Variants in UGT1A6 observed in about 807,000 individuals in gnomAD.
UGT1A6 encodes the protein UDP-glucuronosyltransferase 1A6.
In UGT1A6, 32 loss-of-function variants were observed where a neutral mutation model predicts 44.4. The observed-to-expected ratio is 0.72, with a 90% CI of 0.54 to 0.97. The LOEUF (loss-of-function observed/expected upper bound fraction) is 0.97. Ranked by LOEUF, UGT1A6 falls within the 50% of genes least tolerant of loss-of-function variation. The probability of loss-of-function intolerance (pLI) is 0.00; values close to 1 mark genes in which losing one functional copy is unlikely to be tolerated. For synonymous variants in UGT1A6, 238 were observed against 248.5 expected, an observed-to-expected ratio of 0.96 and a Z score of 0.40; for missense variants, 685 against 661.9, an observed-to-expected ratio of 1.03 and a Z score of -0.38.
In UGT1A6 at chr2:233,720,871, A is replaced by ATTTT. The variant is rs60621337; in HGVS notation, c.861+27022_861+27025dup. Among the ~76,000 whole-genome samples, 199 of 132,762 alleles carry ATTTT rather than the reference A, an allele frequency of 1.5e-3. 2 individuals carry two copies. Among genetic ancestry groups the ATTTT allele is most frequent in the African/African-American group, 3.9e-3 (137 of 34,978 alleles). 87.1% of individuals were successfully genotyped at this position (132,762 alleles called of 152,430 possible). On this transcript the variant is annotated intron_variant, in intron 1 of 4. Coordinates refer to ENST00000305139, the MANE Select transcript of UGT1A6 (RefSeq NM_001072.4). Reference sequence around the variant, plus strand: ...CAGGCATGTGCCACTGCTCCTGGCAATTTTTTTTTTTTTTTTTTTAGTAGA... The same window carrying ATTTT: ...CAGGCATGTGCCACTGCTCCTGGCAATTTTTTTTTTTTTTTTTTTTTTTAGTAGA...
intron 1 of UGT1A6, among the ~76,000 whole-genome samples, chr2:233,712,238 T>C (rs1464476015): frequency 6.6e-6 from 1 of 152,230 alleles, no homozygotes; most frequent in African/African-American, 2.4e-5. Context: ...CATGGGTCTT[T>C]GCTAGGGTTG....
At chr2:233,741,883 TAGA>T (rs1422759422) in intron 1 of UGT1A6, 4 of 151,920 alleles carry the variant, frequency 2.6e-5, no homozygotes, top group Admixed American at 2.0e-4. Context: ...GAGGTGACCC[TAGA>T]AGAAGGGACC....
chr2:233,743,576 A>T (rs1692358823), intron 1 of UGT1A6: 1 of 1,367,112 alleles, frequency 7.3e-7, no homozygotes, highest in Non-Finnish European at 9.8e-7. Flanking sequence ...GTTTCCCAAG[A>T]GGTCAAAGGA....
intron 1 of UGT1A6, among the ~76,000 whole-genome samples, chr2:233,749,044 C>T (rs1240324138): frequency 6.6e-6 from 1 of 151,716 alleles, no homozygotes. Context: ...TGATGTGGTA[C>T]TCTGGGACCT....
chr2:233,743,821 G>A (rs375309664), intron 1 of UGT1A6: 180 of 1,367,120 alleles, frequency 1.3e-4, no homozygotes, highest in Middle Eastern at 2.1e-4. Flanking sequence ...GGTTTTTGTC[G>A]GGGTGCCACT....
chr2:233,738,373 AC>A (rs1456514081), intron 1 of UGT1A6, among the ~76,000 whole-genome samples: 3 of 152,222 alleles, frequency 2.0e-5, no homozygotes, highest in Non-Finnish European at 4.4e-5. Context: ...CTATAAAACT[AC>A]TTGAAAATGT....
Position 233,757,535 on chromosome 2 carries a change from A to AATATATATATATATAT in UGT1A6, c.862-9488_862-9473dup, listed in dbSNP as rs67292694. On this transcript the variant is annotated intron_variant, in intron 1 of 4. Coordinates refer to ENST00000305139, the MANE Select transcript of UGT1A6 (RefSeq NM_001072.4). Reference sequence around the variant, plus strand: ...CAAAGCCAAAATCTTGCCTGTAAGGAATATATATATATATATATATATATA... The same window carrying AATATATATATATATAT: ...CAAAGCCAAAATCTTGCCTGTAAGGAATATATATATATATATATATATATATATATATATATATATA... 5.8e-3 allele frequency among the ~76,000 whole-genome samples: 508 copies of AATATATATATATATAT among 88,168 alleles called. 6 individuals are homozygous for AATATATATATATATAT. The highest frequency in any genetic ancestry group is 0.021 in the Admixed American group (195 of 9,086). 57.8% of individuals were successfully genotyped at this position (88,168 alleles called of 152,430 possible).
chr2:233,758,140 G>T (rs572849917), intron 1 of UGT1A6, among the ~76,000 whole-genome samples: 1 of 152,274 alleles, frequency 6.6e-6, no homozygotes, highest in East Asian at 1.9e-4. Context: ...GGCAGATGAG[G>T]GAATTAGCAA....
intron 1 of UGT1A6, among the ~76,000 whole-genome samples, chr2:233,766,110 G>T (rs1275743643): frequency 6.6e-6 from 1 of 152,184 alleles, no homozygotes; most frequent in Non-Finnish European, 1.5e-5. Context: ...TATCCTGGGG[G>T]CTTGCCTTGG....
At chr2:233,762,431 A>G (rs1698072328) in intron 1 of UGT1A6, among the ~76,000 whole-genome samples, 1 of 152,242 alleles carries the variant, frequency 6.6e-6, no homozygotes, top group Non-Finnish European at 1.5e-5. Context: ...ATAGAGTAAC[A>G]GTGTATTCCC....
intron 1 of UGT1A6, among the ~76,000 whole-genome samples, chr2:233,714,198 A>C (rs2125637992): frequency 6.6e-6 from 1 of 152,336 alleles, no homozygotes; most frequent in South Asian, 2.1e-4. Context: ...CTACACTGAG[A>C]ACTGATCCAT....
intron 1 of UGT1A6, among the ~76,000 whole-genome samples, chr2:233,746,084 A>T (rs555344502): frequency 1.2e-4 from 18 of 151,976 alleles, no homozygotes; most frequent in Admixed American, 1.2e-3. Context: ...AGTCACTTCT[A>T]TACAGAAACA....
At chr2:233,711,035 C>T (rs1430661995) in intron 1 of UGT1A6, among the ~76,000 whole-genome samples, 1 of 152,156 alleles carries the variant, frequency 6.6e-6, no homozygotes, top group East Asian at 1.9e-4. Context: ...TCTGGGGTGA[C>T]CTCACTGACA....
chr2:233,744,048 C>T (rs982904755), intron 1 of UGT1A6: 4 of 712,778 alleles, frequency 5.6e-6, no homozygotes, highest in Non-Finnish European at 8.0e-6. Context: ...AGCCACATCT[C>T]ATTGGTCGAG....
At chr2:233,704,011 C>T (rs1236520460) in intron 1 of UGT1A6, among the ~76,000 whole-genome samples, 1 of 152,002 alleles carries the variant, frequency 6.6e-6, no homozygotes, top group African/African-American at 2.4e-5. Flanking sequence ...CCACCTCAGC[C>T]GCCCGAGCAG....
At chr2:233,724,957 G>A in intron 1 of UGT1A6, among the ~76,000 whole-genome samples, 1 of 142,916 alleles carries the variant, frequency 7.0e-6, no homozygotes, top group Non-Finnish European at 1.5e-5. Flanking sequence ...GGCACCTCGG[G>A]AGGCCGAGGT....
intron 1 of UGT1A6, among the ~76,000 whole-genome samples, chr2:233,737,663 G>A (rs918279158): frequency 3.9e-5 from 6 of 152,176 alleles, no homozygotes; most frequent in South Asian, 4.1e-4. Context: ...GCTGCAGATC[G>A]GAGCTGTTCC....
At chr2:233,754,441 A>G (rs1275435430) in intron 1 of UGT1A6, 18 of 350,072 alleles carry the variant, frequency 5.1e-5, no homozygotes, top group Non-Finnish European at 5.6e-6. Context: ...AAGTGTTTAT[A>G]AATTCTTGGG....
intron 1 of UGT1A6, chr2:233,719,109 A>G (rs1473237971): frequency 1.9e-6 from 3 of 1,614,122 alleles, no homozygotes; most frequent in South Asian, 2.2e-5. Flanking sequence ...GCTGGGCTAC[A>G]CTCAAGGGTT....
Sources: gnomAD v4.1 joint callset for allele counts (sites outside exome capture counted in the v4.1 genomes callset) on GRCh38, gnomAD v4.1.1 for gene constraint, MANE v1.5 for transcripts, NCBI Gene and HGNC (gene_info 2026-07-23, HGNC 2026-07-21) for gene names.